Variants in KIF2A observed in about 807,000 individuals in gnomAD.
KIF2A encodes kinesin family member 2A.
KIF2A carries 22 observed loss-of-function variants against 100.2 expected under a neutral mutation model. The observed-to-expected ratio is 0.22, with a 90% CI of 0.16 to 0.31. The LOEUF (loss-of-function observed/expected upper bound fraction) is 0.31, where lower values mean the gene tolerates loss of function less well. Ranked by LOEUF, KIF2A falls within the 10% of genes least tolerant of loss-of-function variation. The pLI is 1.00. For missense variants in KIF2A, 495 were observed against 898.7 expected, an observed-to-expected ratio of 0.55 and a Z score of 5.74; for synonymous variants, 268 against 285.9, an observed-to-expected ratio of 0.94 and a Z score of 0.63.
At chr5:62,349,178 T>C (rs1580058007) in intron 3 of KIF2A, among the ~76,000 whole-genome samples, 2 of 152,052 alleles carry the variant, frequency 1.3e-5, no homozygotes, top group South Asian at 2.1e-4. Flanking sequence ...CTTCCTGGTA[T>C]ATCATTAGCA....
At position 62,381,241 on chromosome 5, in the gene KIF2A, A is replaced by G. The variant is rs144092095; in HGVS notation, c.2137A>G (p.Thr713Ala). ...TCTTGAGCAAAAAATAGACATTTTAACTGAACTGCGGGGTAATTCTTTTTC... is the reference window on the plus strand; with the variant it reads ...TCTTGAGCAAAAAATAGACATTTTAGCTGAACTGCGGGGTAATTCTTTTTC... ...AILEQKIDILTELRDKVKSFR... is the reference protein window; with the variant it reads ...AILEQKIDILAELRDKVKSFR... Residue 713 changes from threonine (T) to alanine (A), a missense_variant, in exon 20 of 21, where the codon ACT (threonine) becomes GCT (alanine). Coordinates refer to ENST00000407818, the MANE Select transcript of KIF2A (RefSeq NM_001098511.3). The G allele has an allele frequency of 1.1e-5, 18 of 1,612,652 alleles. No homozygotes were observed. The African/African-American group carries it at 2.3e-4, about 20-fold the overall frequency.
intron 1 of KIF2A, among the ~76,000 whole-genome samples, chr5:62,335,474 A>G (rs117554272): frequency 6.6e-6 from 1 of 152,298 alleles, no homozygotes; most frequent in East Asian, 1.9e-4. Context: ...AAAATGAGAA[A>G]AAGCAAGGAG....
At chr5:62,366,514 A>T in intron 16 of KIF2A, 33 bp downstream of exon 16, 1 of 1,244,808 alleles carries the variant, frequency 8.0e-7, no homozygotes, top group Non-Finnish European at 1.2e-6. Flanking sequence ...TTGAAATTTG[A>T]GGGGAGTACA....
intron 1 of KIF2A, among the ~76,000 whole-genome samples, chr5:62,332,192 C>G (rs927714431): frequency 6.6e-6 from 1 of 152,230 alleles, no homozygotes; most frequent in East Asian, 1.9e-4. Context: ...TTTGACAGCT[C>G]AATGAATATA....
chr5:62,324,819 G>A (rs1390023533), intron 1 of KIF2A, among the ~76,000 whole-genome samples: 2 of 149,064 alleles, frequency 1.3e-5, no homozygotes, highest in Non-Finnish European at 3.0e-5. Context: ...GTATGACCAA[G>A]TCCCCAAAAC....
Position 62,386,012 on chromosome 5 carries a change from G to C in KIF2A, c.*443G>C, listed in dbSNP as rs1388554534. The stretch of plus-strand genomic sequence containing the variant: ...ATTGTACATACCTTGCCCACTCCTA[G>C]AGACAGCTGTGCTCACCTTTTCCTG... On this transcript the variant is annotated 3_prime_UTR_variant, in exon 21 of 21. Transcript: ENST00000407818. 4 of 154,830 alleles carry C rather than the reference G, an allele frequency of 2.6e-5. No individual in the cohort carries two copies. The highest frequency in any genetic ancestry group is 9.6e-5 in the African/African-American group (4 of 41,514). The allele number at this position is 154,830 out of a possible 1,614,324, so 9.6% of individuals were successfully genotyped here. A position where few individuals can be genotyped will look rare whatever the true frequency, so the allele number is the denominator to read the frequency against.
At chr5:62,359,024 A>G (rs1333983029) in intron 9 of KIF2A, among the ~76,000 whole-genome samples, 4 of 152,204 alleles carry the variant, frequency 2.6e-5, no homozygotes, top group Non-Finnish European at 4.4e-5. Flanking sequence ...TGTATTTAGT[A>G]TGTATTGTCA....
At chr5:62,308,199 C>T in intron 1 of KIF2A, 1 of 444,792 alleles carries the variant, frequency 2.2e-6, no homozygotes. Flanking sequence ...TAGAAATTAC[C>T]AATAACACTA....
rs1247758999 is a variant in KIF2A at position 62,340,816 on chromosome 5, T to C, written c.65-6314T>C. Among the ~76,000 whole-genome samples, 2 of 152,036 alleles carry C rather than the reference T, an allele frequency of 1.3e-5. 1 individual carries two copies. The highest frequency in any genetic ancestry group is 4.1e-4 in the South Asian group (2 of 4,828). On this transcript the variant is annotated intron_variant, in intron 1 of 20. Transcript: ENST00000407818. ...AAAAATTAAAATTTAAAAAGAAAAA[T>C]TATAAATTTGTATTATAATTTAAAA...
At position 62,319,905 on chromosome 5, in the gene KIF2A, A is replaced by ATG. The variant is rs879782268; in HGVS notation, c.64+13370_64+13371insGT. 9.4e-3 allele frequency among the ~76,000 whole-genome samples: 1,423 copies of ATG among 152,002 alleles called. 13 individuals carry two copies. The highest frequency in any genetic ancestry group is 0.032 in the South Asian group (152 of 4,814). On this transcript the variant is annotated intron_variant, in intron 1 of 20. Transcript: ENST00000407818. ...TATATATGTATGTATGTATGTATGT[A>ATG]TATATCTATTAGTCTCCATCCTACC...
intron 16 of KIF2A, among the ~76,000 whole-genome samples, chr5:62,369,560 G>C (rs1159130436): frequency 6.6e-6 from 1 of 152,134 alleles, no homozygotes; most frequent in Non-Finnish European, 1.5e-5. Flanking sequence ...GGGACAGAAA[G>C]CCTAACCATA....
At chr5:62,373,593 G>A in intron 17 of KIF2A, 94 bp from the exon 18 acceptor site, 1 of 846,974 alleles carries the variant, frequency 1.2e-6, no homozygotes, top group Non-Finnish European at 1.9e-6. Flanking sequence ...ATCTTAGTAT[G>A]TTAACTGAAT....
chr5:62,346,731 C>G (rs1279477792), intron 1 of KIF2A, among the ~76,000 whole-genome samples: 1 of 152,156 alleles, frequency 6.6e-6, no homozygotes, highest in Non-Finnish European at 1.5e-5. Context: ...CAGAGCGAGA[C>G]TGTCTCAGGA....
At chr5:62,341,347 C>A (rs1422438407) in intron 1 of KIF2A, among the ~76,000 whole-genome samples, 1 of 151,874 alleles carries the variant, frequency 6.6e-6, no homozygotes, top group Non-Finnish European at 1.5e-5. Context: ...CTTGCCCAAG[C>A]TGGAGTGCCG....
At position 62,353,592 on chromosome 5, in the gene KIF2A, G is replaced by C. The variant is rs41268417; in HGVS notation, c.558+217G>C. On this transcript the variant is annotated intron_variant, in intron 6 of 20. Coordinates refer to ENST00000407818, the MANE Select transcript of KIF2A (RefSeq NM_001098511.3). ...TTCTTTTCATGTTTTATTGGTATGT[G>C]TTAACGCTAAAATTTGTTCCATTAA... Among the ~76,000 whole-genome samples, 898 of 152,154 alleles carry C rather than the reference G, an allele frequency of 5.9e-3. 3 individuals are homozygous for C. The highest frequency in any genetic ancestry group is 0.019 in the South Asian group (94 of 4,828).
At chr5:62,367,514 G>A (rs898457725) in intron 16 of KIF2A, among the ~76,000 whole-genome samples, 2 of 152,056 alleles carry the variant, frequency 1.3e-5, no homozygotes, top group Non-Finnish European at 2.9e-5. Context: ...TGATCCACCT[G>A]CCTCGGCCTC....
chr5:62,350,049 A>AT lies in KIF2A; in HGVS notation c.280-11dup, dbSNP rs761728626. On this transcript the variant is annotated splice_polypyrimidine_tract_variant and intron_variant, in intron 3 of 20. Transcript: ENST00000407818. ...AGTAAAGATAGAAAACATAATGAAC[A>AT]TTTTTTCCTTTCATAGAATCGACGG... 8 of 1,559,636 alleles carry AT rather than the reference A, an allele frequency of 5.1e-6. No individual in the cohort carries two copies. In the African/African-American group the frequency reaches 1.1e-4, roughly 21 times the overall value.
chr5:62,384,228 G>A (rs1018709304), intron 20 of KIF2A, among the ~76,000 whole-genome samples: 2 of 152,166 alleles, frequency 1.3e-5, no homozygotes, highest in Admixed American at 6.6e-5. Context: ...CAACCTGGGT[G>A]ACAGAGTGAG....
intron 20 of KIF2A, among the ~76,000 whole-genome samples, chr5:62,384,870 C>T (rs1012735064): frequency 3.9e-5 from 6 of 152,060 alleles, no homozygotes; most frequent in East Asian, 1.9e-4. Context: ...GTGCTGAGCA[C>T]GGTGGCTCAT....
Sources: allele counts gnomAD v4.1 joint callset (sites outside exome capture counted in the v4.1 genomes callset), GRCh38; gene constraint gnomAD v4.1.1; transcripts MANE v1.5; gene names NCBI Gene and HGNC (gene_info 2026-07-23, HGNC 2026-07-21).